The following ZFHX2 variants were observed in gnomAD, a reference collection of about 807,000 sequenced individuals.
ZFHX2 encodes zinc finger homeobox protein 2.
ZFHX2 carries 75 observed loss-of-function variants against 164.8 expected under a neutral mutation model. That is an observed-to-expected ratio of 0.46 (90% CI 0.38 to 0.55). ZFHX2 has a LOEUF of 0.55. Ranked by LOEUF, ZFHX2 falls within the 20% of genes least tolerant of loss-of-function variation. The pLI, the probability that ZFHX2 is intolerant of heterozygous loss-of-function variation, is 0.00. For missense variants in ZFHX2, 2,933 were observed against 3,308.0 expected, an observed-to-expected ratio of 0.89 and a Z score of 2.78; for synonymous variants, 1,217 against 1,351.4, an observed-to-expected ratio of 0.90 and a Z score of 2.18.
Position 23,523,676 on chromosome 14 carries a change from G to A in ZFHX2, c.6266C>T (p.Thr2089Ile). The change falls in exon 9 of 10, where the codon ACC (threonine) becomes ATC (isoleucine). Residue 2089 changes from threonine (T) to isoleucine (I), a missense_variant. Physicochemically the swap from Thr to Ile is moderately conservative, Grantham distance 89. Coordinates refer to ENST00000419474, the MANE Select transcript of ZFHX2 (RefSeq NM_033400.3). The surrounding 1 kb of genome is among the most constrained non-coding windows in gnomAD (Gnocchi z 4.1). ...IMKACYEAYR[T>I]PTMQECEVLG... ...CACCTCACACTCCTGCATGGTGGGG[G>A]TGCGGTAAGCTTCATAGCAGGCTTT... The A allele has an allele frequency of 6.5e-7, 1 of 1,539,766 alleles. No homozygotes were observed. The highest frequency in any genetic ancestry group is 8.7e-7 in the Non-Finnish European group (1 of 1,148,504).
In ZFHX2 at chr14:23,523,417, C is replaced by G. The variant is rs1381571208; in HGVS notation, c.6525G>C (p.Lys2175Asn). 6.5e-7 allele frequency: 1 copy of G among 1,530,982 alleles called. No homozygotes were observed. Among genetic ancestry groups the G allele is most frequent in the African/African-American group, 1.4e-5 (1 of 72,936 alleles). 94.8% of individuals were successfully genotyped at this position (1,530,982 alleles called of 1,614,324 possible). A position where few individuals can be genotyped will look rare whatever the true frequency, so the allele number is the denominator to read the frequency against. The change falls in exon 9 of 10, where the codon AAG becomes AAC. Residue 2175 changes from lysine to asparagine, a missense_variant. By Grantham distance (94) the Lys-to-Asn change is moderately conservative (BLOSUM62 0). Transcript: ENST00000419474. This position sits in a 1 kb window ranked among gnomAD's most constrained non-coding sequence, Gnocchi z 4.1. ...LFSRQHLAKLKEAVRAQLKSE... is the reference protein window; with the variant it reads ...LFSRQHLAKLNEAVRAQLKSE... ...TCTTCAGCTGGGCTCGAACCGCCTCCTTGAGCTTGGCCAGGTGCTGACGGG... is the reference window on the plus strand; with the variant it reads ...TCTTCAGCTGGGCTCGAACCGCCTCGTTGAGCTTGGCCAGGTGCTGACGGG...
In ZFHX2 at chr14:23,532,867, C is replaced by T. The variant is rs946309049; in HGVS notation, c.2259G>A (p.Val753=). 6.5e-7 allele frequency: 1 copy of T among 1,536,196 alleles called. No homozygotes were observed. Among genetic ancestry groups the T allele is most frequent in the Non-Finnish European group, 8.7e-7 (1 of 1,146,926 alleles). ...RSLPEAEWKE[V]AGDTHRCKLC... ...GCTTGCAGCGGTGGGTGTCACCAGCCACCTCCTTCCATTCAGCTTCCGGGA... is the reference window on the plus strand; with the variant it reads ...GCTTGCAGCGGTGGGTGTCACCAGCTACCTCCTTCCATTCAGCTTCCGGGA... Residue 753 remains valine, a synonymous_variant, in exon 3 of 10, where the codon GTG becomes GTA. Transcript: ENST00000419474.
chr14:23,540,753 T>C (rs747465168), intron 1 of ZFHX2, among the ~76,000 whole-genome samples: 15 of 152,342 alleles, frequency 9.8e-5, no homozygotes, highest in Middle Eastern at 6.8e-3. Flanking sequence ...TACTCAGTTG[T>C]GAAGACCAGA....
At chr14:23,550,725 CT>C (rs1398488389) in intron 1 of ZFHX2, among the ~76,000 whole-genome samples, 2 of 152,168 alleles carry the variant, frequency 1.3e-5, no homozygotes, top group East Asian at 3.9e-4. Context: ...CTTGAATGGG[CT>C]TATGGCCTCC....
At chr14:23,530,542 GC>G (rs1192853421) in intron 4 of ZFHX2, 2 of 488,114 alleles carry the variant, frequency 4.1e-6, no homozygotes, top group Admixed American at 5.6e-5. Flanking sequence ...AGTAGGAGGG[GC>G]ACTGAAGAAG....
At chr14:23,553,892 T>C (rs762913604), upstream of ZFHX2, among the ~76,000 whole-genome samples, 1 of 151,514 alleles carries the variant, frequency 6.6e-6, no homozygotes, top group Non-Finnish European at 1.5e-5. Context: ...AGACTCCGTC[T>C]CAAACAAACA....
chr14:23,530,188 G>A lies in ZFHX2; in HGVS notation c.2807C>T (p.Ala936Val), dbSNP rs1879350855. The A allele has an allele frequency of 2.0e-5, 31 of 1,534,832 alleles. No individual in the cohort carries two copies. The highest frequency in any genetic ancestry group is 2.6e-5 in the Non-Finnish European group (30 of 1,145,866). Residue 936 changes from alanine (A) to valine (V), a missense_variant, in exon 5 of 10, where the codon GCT (alanine) becomes GTT (valine). Transcript: ENST00000419474. ...TGGCTCAGCTAAGGGGGTGACAGGA[G>A]CCTTCCCTGTGTAGGATGGGGGGAG... Reference protein sequence around the residue: ...SHGQLRTPGKAPVTPLAEPPT... With the variant: ...SHGQLRTPGKVPVTPLAEPPT...
At chr14:23,548,453 A>G (rs1881614663) in intron 1 of ZFHX2, 1 of 152,216 alleles carries the variant, frequency 6.6e-6, no homozygotes, top group African/African-American at 2.4e-5. Flanking sequence ...TGATTCCTGT[A>G]TGGGTCTCAA....
chr14:23,534,743 G>A lies in ZFHX2; in HGVS notation c.583C>T (p.Pro195Ser). ...CTTTCCTCACAGGCAGCCGGAGATG[G>A]TGCTGAGGTATCATGGGACAGAATT... ...DQILSHDTSA[P>S]SPAACEERHG... The change falls in exon 2 of 10, where the codon CCA becomes TCA. Residue 195 changes from proline to serine, a missense_variant. By Grantham distance (74) the Pro-to-Ser change is moderately conservative. Transcript: ENST00000419474. This position sits in a 1 kb window ranked among gnomAD's most constrained non-coding sequence, Gnocchi z 4.5. 1 of 1,536,190 alleles carries A rather than the reference G, an allele frequency of 6.5e-7. No individual in the cohort carries two copies. Among genetic ancestry groups the A allele is most frequent in the Non-Finnish European group, 8.7e-7 (1 of 1,146,912 alleles).
chr14:23,537,710 T>C (rs1221404432), intron 1 of ZFHX2, among the ~76,000 whole-genome samples: 1 of 152,162 alleles, frequency 6.6e-6, no homozygotes, highest in East Asian at 1.9e-4. Context: ...AGCCGATTTC[T>C]CGATAACCAG....
chr14:23,546,375 G>C lies in ZFHX2; in HGVS notation c.-50+4968C>G, dbSNP rs77374154. Among the ~76,000 whole-genome samples the C allele has an allele frequency of 0.011, 1,645 of 152,328 alleles. 12 individuals are homozygous for C. The highest frequency in any genetic ancestry group is 0.017 in the Non-Finnish European group (1,152 of 68,034). ...GGTAAAAAATGCTGAGGGGTGCTGAGCATCTCAGTAGAAATTAGAAAAATA... is the reference window on the plus strand; with the variant it reads ...GGTAAAAAATGCTGAGGGGTGCTGACCATCTCAGTAGAAATTAGAAAAATA... On this transcript the variant is annotated intron_variant, in intron 1 of 9. Transcript: ENST00000419474. The surrounding 1 kb of genome is among the most constrained non-coding windows in gnomAD (Gnocchi z 4.7).
At position 23,527,651 on chromosome 14, in the gene ZFHX2, G is replaced by A. The variant is rs199839641; in HGVS notation, c.3088C>T (p.His1030Tyr). The A allele has an allele frequency of 2.6e-6, 4 of 1,536,362 alleles. No individual in the cohort carries two copies. Among genetic ancestry groups the A allele is most frequent in the East Asian group, 4.9e-5 (2 of 40,924 alleles). The change falls in exon 7 of 10, where the codon CAC becomes TAC. Residue 1030 changes from histidine (H) to tyrosine (Y), a missense_variant. By Grantham distance (83) the His-to-Tyr change is moderately conservative (BLOSUM62 2). Transcript: ENST00000419474. ...GRPALHFHLS[H>Y]LHNVVPECVE... ...CACTCGGGCACCACGTTGTGAAGGT[G>A]GCTAAGGTGGAAGTGCAGGGCAGGC...
rs527941448 is a variant in ZFHX2 at position 23,548,218 on chromosome 14, C to G, written c.-50+3125G>C. 5.9e-5 allele frequency among the ~76,000 whole-genome samples: 9 copies of G among 152,278 alleles called. No homozygotes were observed. The South Asian group carries it at 1.7e-3, about 28-fold the overall frequency. On this transcript the variant is annotated intron_variant, in intron 1 of 9. Transcript: ENST00000419474. ...CTTCCGTCTCTGCCTGCCTTTTGAT[C>G]CAACCATCCTGACCTCAATGCCCTG...
At chr14:23,549,670 T>C (rs1167682549) in intron 1 of ZFHX2, among the ~76,000 whole-genome samples, 1 of 152,164 alleles carries the variant, frequency 6.6e-6, no homozygotes, top group African/African-American at 2.4e-5. Flanking sequence ...CCAGGCAGGG[T>C]GGAGCTTAGA....
rs189084513 is a variant in ZFHX2, at chr14:23,524,989, G to T, written c.4953C>A (p.Arg1651=). 2.4e-4 allele frequency: 364 copies of T among 1,536,166 alleles called. 4 individuals are homozygous for T. The African/African-American group carries it at 4.6e-3, about 19-fold the overall frequency. The part of the protein sequence containing the change: ...VWFQNARQKA[R]KNACEGGSMP... ...TGGACCCACCCTCACAGGCATTTTT[G>T]CGTGCTTTCTGGCGGGCATTCTGGA... The change falls in exon 9 of 10, where the codon CGC becomes CGA. Residue 1651 remains arginine, a synonymous_variant. Transcript: ENST00000419474. This position sits in a 1 kb window ranked among gnomAD's most constrained non-coding sequence, Gnocchi z 5.6.
rs1339598522 is a variant in ZFHX2, at chr14:23,526,383, G to A, written c.3559C>T (p.Pro1187Ser). The A allele has an allele frequency of 2.6e-6, 4 of 1,536,238 alleles. No homozygotes were observed. The highest frequency in any genetic ancestry group is 3.5e-6 in the Non-Finnish European group (4 of 1,146,906). The change falls in exon 9 of 10, where the codon CCT becomes TCT. Residue 1187 changes from proline to serine, a missense_variant. Coordinates refer to ENST00000419474, the MANE Select transcript of ZFHX2 (RefSeq NM_033400.3). ...ACAGTGCACTTATAGGGCCGGGCAG[G>A]GTCGAGAAACTTGTCCAGGGCAAAG... ...TNFALDKFLD[P>S]ARPYKCTVCK... is the part of the protein sequence containing the mutation.
rs1233506709 is a variant in ZFHX2, at chr14:23,522,511, C to A, written c.7170G>T (p.Gln2390His). ...CATTGGGGAGCAGCCCAATGAGGGT[C>A]TGAGGTATCATGGGGTTCATGGGAA... ...GLFPMNPMIP[Q>H]TLIGLLPNAL... is the part of the protein sequence containing the mutation. Residue 2390 changes from glutamine (Q) to histidine (H), a missense_variant, in exon 10 of 10, where the codon CAG (glutamine) becomes CAT (histidine). Gln to His is a conservative substitution (Grantham distance 24). Transcript: ENST00000419474. The A allele has an allele frequency of 2.6e-6, 4 of 1,531,610 alleles. No homozygotes were observed. Among genetic ancestry groups the A allele is most frequent in the Non-Finnish European group, 2.6e-6 (3 of 1,143,822 alleles). The allele number at this position is 1,531,610 out of a possible 1,614,324, so 94.9% of individuals were successfully genotyped here.
In ZFHX2 at chr14:23,525,268, C is replaced by G; in HGVS notation, c.4674G>C (p.Glu1558Asp). 1 of 1,536,120 alleles carries G rather than the reference C, an allele frequency of 6.5e-7. No homozygotes were observed. Among genetic ancestry groups the G allele is most frequent in the Non-Finnish European group, 8.7e-7 (1 of 1,146,922 alleles). Residue 1558 changes from glutamate (E) to aspartate (D), a missense_variant, in exon 9 of 10, where the codon GAG (glutamate) becomes GAC (aspartate). Physicochemically the swap from Glu to Asp is conservative, Grantham distance 45. Transcript: ENST00000419474. This position sits in a 1 kb window ranked among gnomAD's most constrained non-coding sequence, Gnocchi z 5.9. Reference protein sequence around the residue: ...LGPPFLVPEPEAGGTRAPEER... With the variant: ...LGPPFLVPEPDAGGTRAPEER... The stretch of plus-strand genomic sequence containing the variant: ...CTTCAGGGGCACGGGTCCCCCCTGC[C>G]TCAGGCTCTGGGACCAGGAAGGGTG...
intron 1 of ZFHX2, among the ~76,000 whole-genome samples, chr14:23,544,657 T>G (rs1194050849): frequency 6.6e-6 from 1 of 152,170 alleles, no homozygotes; most frequent in East Asian, 1.9e-4. Flanking sequence ...CGGGCGTGTT[T>G]AGGGTGGTGG....
Sources: gnomAD v4.1 joint callset for allele counts (sites outside exome capture counted in the v4.1 genomes callset) on GRCh38, gnomAD v4.1.1 for gene constraint, Gnocchi (gnomAD v3.1) non-coding constraint, MANE v1.5 for transcripts, NCBI Gene and HGNC (gene_info 2026-07-23, HGNC 2026-07-21) for gene names.